PTPN6: variants seen among roughly 807,000 people sequenced by gnomAD.
PTPN6 encodes the protein tyrosine-protein phosphatase non-receptor type 6.
A neutral mutation model predicts 81.5 loss-of-function variants in PTPN6; 18 were observed. That is an observed-to-expected ratio of 0.22 (90% CI 0.15 to 0.33). The LOEUF (loss-of-function observed/expected upper bound fraction) is 0.33, where lower values mean the gene tolerates loss of function less well. PTPN6 is among the 10% of genes least tolerant of loss of function. PTPN6 has a pLI of 1.00. For synonymous variants in PTPN6, 301 were observed against 310.9 expected, an observed-to-expected ratio of 0.97 and a Z score of 0.33; for missense variants, 500 against 794.2, an observed-to-expected ratio of 0.63 and a Z score of 4.45.
rs1945929428 is a variant in PTPN6 at position 6,951,742 on chromosome 12, C to T, written c.131+11C>T. 1 of 1,610,256 alleles carries T rather than the reference C, an allele frequency of 6.2e-7. No homozygotes were observed. The highest frequency in any genetic ancestry group is 8.5e-7 in the Non-Finnish European group (1 of 1,179,986). The stretch of plus-strand genomic sequence containing the variant: ...CTCGCTCTCCGTCAGGTAGGTGGGC[C>T]CCCCGCAACCCCGGGCATTTTGGCC... On this transcript the variant is annotated intron_variant, in intron 2 of 15. Coordinates refer to ENST00000318974, the MANE Select transcript of PTPN6 (RefSeq NM_002831.6). This position sits in a 1 kb window ranked among gnomAD's most constrained non-coding sequence, Gnocchi z 7.2.
rs1946060718 is a variant in PTPN6, at chr12:6,957,892, G to GA, written c.1207-27_1207-26insA. Reference sequence around the variant, plus strand: ...GATGAGGTGTTCCGAGAGAGGAGGGGGCACTGACCCTATGTCCTCGGCTTA... The same window carrying GA: ...GATGAGGTGTTCCGAGAGAGGAGGGGAGCACTGACCCTATGTCCTCGGCTTA... On this transcript the variant is annotated intron_variant, in intron 10 of 15. Transcript: ENST00000318974. This position sits in a 1 kb window ranked among gnomAD's most constrained non-coding sequence, Gnocchi z 6.5. 1 of 1,613,894 alleles carries GA rather than the reference G, an allele frequency of 6.2e-7. No individual in the cohort carries two copies. The highest frequency in any genetic ancestry group is 8.5e-7 in the Non-Finnish European group (1 of 1,180,032).
At position 6,956,763 on chromosome 12, in the gene PTPN6, T is replaced by C. The variant is rs1555148801; in HGVS notation, c.1074+195T>C. On this transcript the variant is annotated intron_variant, in intron 9 of 15. Coordinates refer to ENST00000318974, the MANE Select transcript of PTPN6 (RefSeq NM_002831.6). This position sits in a 1 kb window ranked among gnomAD's most constrained non-coding sequence, Gnocchi z 4.1. ...ATCCCTGCATGCATCCCTGGGCTCT[T>C]CTGAGCTCCAGACCCAGGTTCCAGG... 6.6e-6 allele frequency among the ~76,000 whole-genome samples: 1 copy of C among 152,092 alleles called. No homozygotes were observed.
rs1946127133 is a variant in PTPN6 at position 6,960,850 on chromosome 12, G to A, written c.1718G>A (p.Arg573Lys). The A allele has an allele frequency of 1.3e-6, 2 of 1,580,890 alleles. No individual in the cohort carries two copies. The highest frequency in any genetic ancestry group is 1.7e-6 in the Non-Finnish European group (2 of 1,162,746). ...GAGAACCTGCACACTAAGAACAAGA[G>A]GGAGGAGAAAGTGAAGAAGCAGCGG... ...VYENLHTKNK[R>K]EEKVKKQRSA... The change falls in exon 15 of 16, where the codon AGG becomes AAG. Residue 573 changes from arginine (R) to lysine (K), a missense_variant. Coordinates refer to ENST00000318974, the MANE Select transcript of PTPN6 (RefSeq NM_002831.6). This position sits in a 1 kb window ranked among gnomAD's most constrained non-coding sequence, Gnocchi z 6.1.
At position 6,956,094 on chromosome 12, in the gene PTPN6, GTCCC is replaced by G; in HGVS notation, c.845-46_845-43del. ...GGAGGGTCTGACCCAGGTGTGGTGA[GTCCC>G]TGGCTAACCCAGACCATCTCGCCTC... On this transcript the variant is annotated intron_variant, in intron 7 of 15. Transcript: ENST00000318974. The surrounding 1 kb of genome is among the most constrained non-coding windows in gnomAD (Gnocchi z 4.1). 6.3e-7 allele frequency: 1 copy of G among 1,589,552 alleles called. No homozygotes were observed. Among genetic ancestry groups the G allele is most frequent in the Non-Finnish European group, 8.6e-7 (1 of 1,157,786 alleles).
rs376798550 is a variant in PTPN6, at chr12:6,960,264, G to GC, written c.1581+25_1581+26insC. ...GGTGCGTGCAGAGCAGGGCCTGGGG[G>GC]GGGGGGGGGCTGCAGTGCAGGATGG... On this transcript the variant is annotated intron_variant, in intron 13 of 15. Coordinates refer to ENST00000318974, the MANE Select transcript of PTPN6 (RefSeq NM_002831.6). This position sits in a 1 kb window ranked among gnomAD's most constrained non-coding sequence, Gnocchi z 6.1. 6.5e-6 allele frequency: 10 copies of GC among 1,542,954 alleles called. No individual in the cohort carries two copies. The highest frequency in any genetic ancestry group is 5.7e-5 in the African/African-American group (4 of 70,036).
In PTPN6 at chr12:6,951,843, C is replaced by A; in HGVS notation, c.131+112C>A. ...GCAGTGCTGACTCCCCGTCTGTTCC[C>A]TTGCCCCCAACCCCCACACTCCCCA... On this transcript the variant is annotated intron_variant, in intron 2 of 15. Transcript: ENST00000318974. The surrounding 1 kb of genome is among the most constrained non-coding windows in gnomAD (Gnocchi z 7.2). 1 of 1,582,790 alleles carries A rather than the reference C, an allele frequency of 6.3e-7. No homozygotes were observed. The highest frequency in any genetic ancestry group is 8.6e-7 in the Non-Finnish European group (1 of 1,162,588).
In PTPN6 at chr12:6,954,440, T is replaced by C. The variant is rs183365772; in HGVS notation, c.327-365T>C. 2.5e-4 allele frequency among the ~76,000 whole-genome samples: 38 copies of C among 152,346 alleles called. No individual in the cohort carries two copies. The East Asian group carries it at 6.6e-3, about 26-fold the overall frequency. ...GTGGGCTCTGGGTTCGAAGCCCGGT[T>C]AGAACTCTGGAGGCTAGGATGGCTT... On this transcript the variant is annotated intron_variant, in intron 3 of 15. Coordinates refer to ENST00000318974, the MANE Select transcript of PTPN6 (RefSeq NM_002831.6). The surrounding 1 kb of genome is among the most constrained non-coding windows in gnomAD (Gnocchi z 5.4).
Position 6,961,158 on chromosome 12 carries a change from A to T in PTPN6, c.*58A>T. 2.8e-6 allele frequency: 2 copies of T among 703,440 alleles called. No individual in the cohort carries two copies. Among genetic ancestry groups the T allele is most frequent in the Middle Eastern group, 4.2e-4 (1 of 2,398 alleles). The allele number at this position is 703,440 out of a possible 1,614,324, so 43.6% of individuals were successfully genotyped here. On this transcript the variant is annotated 3_prime_UTR_variant, in exon 16 of 16. Coordinates refer to ENST00000318974, the MANE Select transcript of PTPN6 (RefSeq NM_002831.6). ...CCTGACCCTGTGGAAGCATTTCGCG[A>T]TGGACAGACTCACAACCTGAACCTA...
chr12:6,951,684 G>A lies in PTPN6; in HGVS notation c.84G>A (p.Leu28=), dbSNP rs1945928030. ...LKGRGVHGSF[L]ARPSRKNQGD... ...GCCGAGGTGTCCACGGTAGCTTCCT[G>A]GCTCGGCCCAGTCGCAAGAACCAGG... Residue 28 remains leucine (L), a synonymous_variant, in exon 2 of 16, where the codon CTG becomes CTA. Transcript: ENST00000318974. This position sits in a 1 kb window ranked among gnomAD's most constrained non-coding sequence, Gnocchi z 7.2. 1.9e-6 allele frequency: 3 copies of A among 1,613,698 alleles called. No individual in the cohort carries two copies. The highest frequency in any genetic ancestry group is 2.5e-6 in the Non-Finnish European group (3 of 1,179,976).
chr12:6,960,065 A>C lies in PTPN6; in HGVS notation c.1430-23A>C. The C allele has an allele frequency of 6.2e-7, 1 of 1,613,260 alleles. No homozygotes were observed. The highest frequency in any genetic ancestry group is 1.1e-5 in the South Asian group (1 of 91,074). ...CGGTGTCCGCCTATGCCTGGACCTG[A>C]GGTTTGACTGCCCCCCACCCAGGCC... On this transcript the variant is annotated intron_variant, in intron 12 of 15. Coordinates refer to ENST00000318974, the MANE Select transcript of PTPN6 (RefSeq NM_002831.6). This position sits in a 1 kb window ranked among gnomAD's most constrained non-coding sequence, Gnocchi z 6.1.
chr12:6,952,042 A>G lies in PTPN6; in HGVS notation c.191A>G (p.Tyr64Cys). 1 of 1,614,086 alleles carries G rather than the reference A, an allele frequency of 6.2e-7. No homozygotes were observed. Among genetic ancestry groups the G allele is most frequent in the Non-Finnish European group, 8.5e-7 (1 of 1,179,998 alleles). Residue 64 changes from tyrosine (Y) to cysteine (C), a missense_variant, in exon 3 of 16, where the codon TAT becomes TGT. Around this residue, in one of 6 missense-constraint regions of PTPN6, gnomAD observed 98 missense variants for 199.2 expected, o/e 0.49. Coordinates refer to ENST00000318974, the MANE Select transcript of PTPN6 (RefSeq NM_002831.6). This position sits in a 1 kb window ranked among gnomAD's most constrained non-coding sequence, Gnocchi z 8.1. ...AACTCAGGGGATTTCTATGACCTGT[A>G]TGGAGGGGAGAAGTTTGCGACTCTG... Reference protein sequence around the residue: ...IQNSGDFYDLYGGEKFATLTE... With the variant: ...IQNSGDFYDLCGGEKFATLTE...
Position 6,958,027 on chromosome 12 carries a change from C to T in PTPN6, c.1315C>T (p.Arg439Trp), listed in dbSNP as rs782065208. The T allele has an allele frequency of 3.1e-6, 5 of 1,613,366 alleles. No individual in the cohort carries two copies. Among genetic ancestry groups the T allele is most frequent in the Non-Finnish European group, 4.2e-6 (5 of 1,180,030 alleles). Residue 439 changes from arginine (R) to tryptophan (W), a missense_variant, in exon 11 of 16, where the codon CGG becomes TGG. By Grantham distance (101) the Arg-to-Trp change is moderately radical. Around this residue, in one of 6 missense-constraint regions of PTPN6, gnomAD observed 226 missense variants for 364.4 expected, o/e 0.62. Transcript: ENST00000318974. ...CAGCTTCCTGGACCAGATCAACCAGCGGCAGGAAAGTCTGCCTCACGCAGG... is the reference window on the plus strand; with the variant it reads ...CAGCTTCCTGGACCAGATCAACCAGTGGCAGGAAAGTCTGCCTCACGCAGG... The part of the protein sequence containing the change: ...VLSFLDQINQ[R>W]QESLPHAGPI...
rs782481907 is a variant in PTPN6, at chr12:6,951,590, C to G, written c.9-19C>G. ...GTGCCCACGGGACCCCTCCTCACTG[C>G]CCTGCCTGGGCCGCCCAGGTGGTTT... On this transcript the variant is annotated intron_variant, in intron 1 of 15. Coordinates refer to ENST00000318974, the MANE Select transcript of PTPN6 (RefSeq NM_002831.6). This position sits in a 1 kb window ranked among gnomAD's most constrained non-coding sequence, Gnocchi z 7.2. 2 of 1,613,918 alleles carry G rather than the reference C, an allele frequency of 1.2e-6. No homozygotes were observed. Among genetic ancestry groups the G allele is most frequent in the South Asian group, 2.2e-5 (2 of 91,070 alleles).
upstream of PTPN6, among the ~76,000 whole-genome samples, chr12:6,948,371 C>T (rs1945862186): frequency 3.4e-5 from 5 of 146,272 alleles, no homozygotes; most frequent in South Asian, 4.4e-4. Context: ...AGGAGGTCGA[C>T]GCTGCAGTGA....
In PTPN6 at chr12:6,957,836, G is replaced by A. The variant is rs781925443; in HGVS notation, c.1206+51G>A. The stretch of plus-strand genomic sequence containing the variant: ...ATTCCGGGAGTCCCTCCCTGGACTT[G>A]TTCTCCTCTCTGGTCGGGTAGGGTG... On this transcript the variant is annotated intron_variant, in intron 10 of 15. Transcript: ENST00000318974. The surrounding 1 kb of genome is among the most constrained non-coding windows in gnomAD (Gnocchi z 6.5). The A allele has an allele frequency of 1.2e-6, 2 of 1,613,936 alleles. No individual in the cohort carries two copies. Among genetic ancestry groups the A allele is most frequent in the East Asian group, 2.2e-5 (1 of 44,902 alleles).
Position 6,959,730 on chromosome 12 carries a change from A to G in PTPN6, c.1362-197A>G. ...TGGGGAGCCAGCGTCAGCACCGCAG[A>G]GCCCGAGGTGGAGCGTGTCCATGCA... On this transcript the variant is annotated intron_variant, in intron 11 of 15. Coordinates refer to ENST00000318974, the MANE Select transcript of PTPN6 (RefSeq NM_002831.6). The surrounding 1 kb of genome is among the most constrained non-coding windows in gnomAD (Gnocchi z 6.6). 1 of 634,604 alleles carries G rather than the reference A, an allele frequency of 1.6e-6. No homozygotes were observed. Among genetic ancestry groups the G allele is most frequent in the Non-Finnish European group, 2.8e-6 (1 of 359,246 alleles). 39.3% of individuals were successfully genotyped at this position (634,604 alleles called of 1,614,324 possible).
At chr12:6,946,712 C>G (rs782543099), upstream of PTPN6, 5 of 1,611,780 alleles carry the variant, frequency 3.1e-6, no homozygotes, top group Non-Finnish European at 4.2e-6. Context: ...TGGCTTCCCC[C>G]TCCCTACAGA....
At position 6,955,145 on chromosome 12, in the gene PTPN6, C is replaced by G. The variant is rs1555148368; in HGVS notation, c.517-6C>G. The G allele has an allele frequency of 6.8e-6, 11 of 1,614,058 alleles. No homozygotes were observed. Among genetic ancestry groups the G allele is most frequent in the Non-Finnish European group, 9.3e-6 (11 of 1,179,914 alleles). ...CCTGTGAATGGCCTAATTTGGCTCC[C>G]CCCAGGGTGGACGCTACACAGTGGG... On this transcript the variant is annotated splice_polypyrimidine_tract_variant and splice_region_variant and intron_variant, in intron 4 of 15. Coordinates refer to ENST00000318974, the MANE Select transcript of PTPN6 (RefSeq NM_002831.6). The surrounding 1 kb of genome is among the most constrained non-coding windows in gnomAD (Gnocchi z 7.2).
rs1179552300 is a variant in PTPN6, at chr12:6,959,766, A to T, written c.1362-161A>T. On this transcript the variant is annotated intron_variant, in intron 11 of 15. Transcript: ENST00000318974. This position sits in a 1 kb window ranked among gnomAD's most constrained non-coding sequence, Gnocchi z 6.6. The stretch of plus-strand genomic sequence containing the variant: ...GAGCGTGTCCATGCAGAGCTGGGCA[A>T]ACCTCCATCATCACTTGCCCGGTGA... 2.6e-6 allele frequency: 2 copies of T among 769,828 alleles called. No individual in the cohort carries two copies. Among genetic ancestry groups the T allele is most frequent in the Non-Finnish European group, 4.4e-6 (2 of 451,786 alleles). The allele number at this position is 769,828 out of a possible 1,614,324, so 47.7% of individuals were successfully genotyped here. A position where few individuals can be genotyped will look rare whatever the true frequency, so the allele number is the denominator to read the frequency against.
Sources: gnomAD v4.1 joint callset for allele counts (sites outside exome capture counted in the v4.1 genomes callset) on GRCh38, gnomAD v4.1.1 for gene constraint, gnomAD v4.1.1 regional missense constraint, Gnocchi (gnomAD v3.1) non-coding constraint, MANE v1.5 for transcripts, NCBI Gene and HGNC (gene_info 2026-07-23, HGNC 2026-07-21) for gene names.